Variants in CTNND2 observed in about 807,000 individuals in gnomAD.
The protein encoded by CTNND2 is catenin delta-2.
A neutral mutation model predicts 144.4 loss-of-function variants in CTNND2; 22 were observed. That is an observed-to-expected ratio of 0.15 (90% CI 0.11 to 0.22). The LOEUF (loss-of-function observed/expected upper bound fraction) is 0.22. CTNND2 is among the 10% of genes least tolerant of loss of function. The probability of loss-of-function intolerance (pLI) is 1.00; values close to 1 mark genes in which losing one functional copy is unlikely to be tolerated. For missense variants in CTNND2, 1,353 were observed against 1,618.8 expected, an observed-to-expected ratio of 0.84 and a Z score of 2.82; for synonymous variants, 751 against 695.6, an observed-to-expected ratio of 1.08 and a Z score of -1.25.
rs56873013 is a variant in CTNND2, at chr5:11,880,517, C to T, written c.37+23300G>A. 2.9e-4 allele frequency among the ~76,000 whole-genome samples: 28 copies of T among 95,604 alleles called. 1 individual carries two copies. Among genetic ancestry groups the T allele is most frequent in the Middle Eastern group, 5.9e-3 (1 of 170 alleles). The allele number at this position is 95,604 out of a possible 152,430, so 62.7% of individuals were successfully genotyped here. On this transcript the variant is annotated intron_variant, in intron 1 of 21. Transcript: ENST00000304623. ...CTGCTACTAGTACTACTACTACTAC[C>T]ACTACTACTACTACCACCACCACTA...
rs79394678 is a variant in CTNND2, at chr5:11,526,729, T to C, written c.287+38215A>G. On this transcript the variant is annotated intron_variant, in intron 3 of 21. Transcript: ENST00000304623. ...GCAAAATTAAAACCAAAATTACCAC[T>C]TGATCCAGCCATTCCACTCCTAGGT... Among the ~76,000 whole-genome samples, 58 of 152,220 alleles carry C rather than the reference T, an allele frequency of 3.8e-4. 1 individual carries two copies. In the East Asian group the frequency reaches 0.011, roughly 28 times the overall value.
chr5:11,304,666 T>A, intron 9 of CTNND2, among the ~76,000 whole-genome samples: 1 of 152,338 alleles, frequency 6.6e-6, no homozygotes, highest in East Asian at 1.9e-4. Context: ...ACTCTCAGTC[T>A]AGCCACGTGG....
intron 2 of CTNND2, among the ~76,000 whole-genome samples, chr5:11,623,188 T>C (rs1780937578): frequency 6.6e-6 from 1 of 152,168 alleles, no homozygotes; most frequent in Non-Finnish European, 1.5e-5. Flanking sequence ...GAAGTGTTCA[T>C]AACTTTGCTT....
chr5:11,723,782 C>T (rs1157524284), intron 2 of CTNND2, among the ~76,000 whole-genome samples: 3 of 152,052 alleles, frequency 2.0e-5, no homozygotes, highest in East Asian at 1.9e-4. Flanking sequence ...TTGGGCCGGG[C>T]GTGGTGGCTC....
chr5:11,446,465 C>G (rs901662636), intron 3 of CTNND2, among the ~76,000 whole-genome samples: 2 of 152,148 alleles, frequency 1.3e-5, no homozygotes, highest in African/African-American at 4.8e-5. Flanking sequence ...ACAGGATGCT[C>G]TAAGAGCCAG....
At chr5:11,045,963 A>T (rs1471980251) in intron 16 of CTNND2, among the ~76,000 whole-genome samples, 2 of 152,084 alleles carry the variant, frequency 1.3e-5, no homozygotes, top group Non-Finnish European at 2.9e-5. Context: ...TTAACCAGAA[A>T]TATTAAGTGG....
intron 1 of CTNND2, among the ~76,000 whole-genome samples, chr5:11,838,267 G>A (rs911755730): frequency 6.6e-6 from 1 of 151,984 alleles, no homozygotes; most frequent in Non-Finnish European, 1.5e-5. Flanking sequence ...GAATCTTTAC[G>A]CCTTGTGGAG....
At chr5:11,064,497 A>C (rs943523383) in intron 16 of CTNND2, among the ~76,000 whole-genome samples, 1 of 152,038 alleles carries the variant, frequency 6.6e-6, no homozygotes, top group African/African-American at 2.4e-5. Context: ...AGGAGTCTGC[A>C]GAAGATGTGC....
intron 1 of CTNND2, among the ~76,000 whole-genome samples, chr5:11,854,754 G>A (rs893228749): frequency 6.6e-6 from 1 of 152,292 alleles, no homozygotes; most frequent in African/African-American, 2.4e-5. Context: ...TCTGAACCTG[G>A]ATCTCGTTCT....
chr5:11,506,419 C>G (rs1015854599), intron 3 of CTNND2, among the ~76,000 whole-genome samples: 1 of 152,180 alleles, frequency 6.6e-6, no homozygotes. Context: ...TCACAGCAAT[C>G]CTTCAACACA....
rs777490468 is a variant in CTNND2, at chr5:11,397,036, T to C, written c.607A>G (p.Ser203Gly). Residue 203 changes from serine to glycine, a missense_variant, in exon 6 of 22, where the codon AGC (serine) becomes GGC (glycine). Ser to Gly is a moderately conservative substitution (Grantham distance 56). This residue lies in a region of CTNND2 where 708 missense variants were observed against 706.4 expected (regional missense o/e 1.00). Coordinates refer to ENST00000304623, the MANE Select transcript of CTNND2 (RefSeq NM_001332.4). The stretch of plus-strand genomic sequence containing the variant: ...ATACAGCACTGGGTACCTACCTGGC[T>C]GAAGCTCTGGCCCGTAGCTCGGGCT... ...TQARATGQSFSQGTTSRAGHL... is the reference protein window; with the variant it reads ...TQARATGQSFGQGTTSRAGHL... 3 of 1,613,114 alleles carry C rather than the reference T, an allele frequency of 1.9e-6. No individual in the cohort carries two copies. The highest frequency in any genetic ancestry group is 2.2e-5 in the South Asian group (2 of 91,022).
rs142962557 is a variant in CTNND2 at position 11,000,385 on chromosome 5, G to T, written c.3085-7708C>A. Reference sequence around the variant, plus strand: ...AAAACACAAAAATTAGCTGGGCGTCGTGGTGGGTGCCTGTAATCCCAGCTA... The same window carrying T: ...AAAACACAAAAATTAGCTGGGCGTCTTGGTGGGTGCCTGTAATCCCAGCTA... On this transcript the variant is annotated intron_variant, in intron 18 of 21. Transcript: ENST00000304623. 7.4e-3 allele frequency among the ~76,000 whole-genome samples: 1,128 copies of T among 152,314 alleles called. 11 individuals are homozygous for T. Among genetic ancestry groups the T allele is most frequent in the African/African-American group, 0.024 (1,001 of 41,556 alleles).
chr5:11,221,833 G>A (rs375603109), intron 10 of CTNND2, among the ~76,000 whole-genome samples: 1 of 152,172 alleles, frequency 6.6e-6, no homozygotes, highest in African/African-American at 2.4e-5. Context: ...AAGAAGCCAA[G>A]TGTCACCAGG....
intron 2 of CTNND2, among the ~76,000 whole-genome samples, chr5:11,686,848 A>G: frequency 6.7e-6 from 1 of 148,394 alleles, no homozygotes; most frequent in East Asian, 1.9e-4. Context: ...ACTATATTAT[A>G]CTATAAACAT....
chr5:11,513,806 A>C (rs1391827879), intron 3 of CTNND2, among the ~76,000 whole-genome samples: 3 of 152,188 alleles, frequency 2.0e-5, no homozygotes, highest in African/African-American at 7.2e-5. Context: ...TGTGGTCTAG[A>C]GACACATAGC....
intron 2 of CTNND2, among the ~76,000 whole-genome samples, chr5:11,565,799 CCAT>C (rs1396766719): frequency 6.6e-6 from 1 of 152,132 alleles, no homozygotes; most frequent in African/African-American, 2.4e-5. Context: ...GGATTTTGTA[CCAT>C]ATTTTACTAC....
intron 3 of CTNND2, among the ~76,000 whole-genome samples, chr5:11,512,533 T>C (rs1188714782): frequency 2.6e-5 from 4 of 152,260 alleles, no homozygotes; most frequent in Admixed American, 2.6e-4. Flanking sequence ...CATGTATTTG[T>C]GCCAATATTA....
intron 9 of CTNND2, among the ~76,000 whole-genome samples, chr5:11,317,753 C>T (rs59220171): frequency 0.015 from 2,347 of 152,124 alleles, 42 homozygotes; most frequent in African/African-American, 0.053. Context: ...ACCTGAGGTT[C>T]GTAGGTCCAC....
chr5:11,601,619 A>G (rs1779800051), intron 2 of CTNND2, among the ~76,000 whole-genome samples: 1 of 152,152 alleles, frequency 6.6e-6, no homozygotes, highest in Non-Finnish European at 1.5e-5. Context: ...ATTTTTCTAA[A>G]TGAGAATATG....
Sources: gnomAD v4.1 joint callset for allele counts (sites outside exome capture counted in the v4.1 genomes callset) on GRCh38, gnomAD v4.1.1 for gene constraint, gnomAD v4.1.1 regional missense constraint, MANE v1.5 for transcripts, NCBI Gene and HGNC (gene_info 2026-07-23, HGNC 2026-07-21) for gene names.